The following CEP70 variants were observed in gnomAD, a reference collection of about 807,000 sequenced individuals.
CEP70 encodes the protein centrosomal protein 70, also known as centrosomal protein of 70 kDa.
In CEP70, 70 loss-of-function variants were observed where a neutral mutation model predicts 90.9. The ratio of observed to expected loss-of-function variants is 0.77; its 90% CI spans 0.64 to 0.94. The LOEUF is 0.94. CEP70 is among the 40% of genes least tolerant of loss of function. The pLI is 0.00. For missense variants in CEP70, 648 were observed against 669.0 expected (o/e 0.97, Z 0.35); for synonymous variants, 220 against 228.3 (o/e 0.96, Z 0.33).
At chr3:138,507,564 G>C (rs913764741) in intron 12 of CEP70, among the ~76,000 whole-genome samples, 1 of 152,032 alleles carries the variant, frequency 6.6e-6, no homozygotes, top group African/African-American at 2.4e-5. Flanking sequence ...ACAGACTAGA[G>C]AATCTAAAAA....
chr3:138,594,216 T>G lies in CEP70; in HGVS notation c.-127A>C, dbSNP rs1056866449. On this transcript the variant is annotated 5_prime_UTR_variant, in exon 1 of 18. Transcript: ENST00000264982. The stretch of plus-strand genomic sequence containing the variant: ...CACTCACCTTACTCAGTCGCCGGCC[T>G]CCCACCAGCAGCCAGCCGGGCCAGG... 1 of 152,258 alleles carries G rather than the reference T, an allele frequency of 6.6e-6. No homozygotes were observed. Among genetic ancestry groups the G allele is most frequent in the African/African-American group, 2.4e-5 (1 of 41,412 alleles). 9.4% of individuals were successfully genotyped at this position (152,258 alleles called of 1,614,324 possible).
chr3:138,587,063 T>C (rs767648101), intron 2 of CEP70, among the ~76,000 whole-genome samples: 20 of 151,836 alleles, frequency 1.3e-4, no homozygotes, highest in Non-Finnish European at 2.9e-4. Context: ...ACAAAACAGA[T>C]AGGAACTATA....
intron 16 of CEP70, among the ~76,000 whole-genome samples, chr3:138,499,194 CAT>C (rs1376548003): frequency 6.6e-6 from 1 of 152,058 alleles, no homozygotes; most frequent in Non-Finnish European, 1.5e-5. Flanking sequence ...ACTTGCAAAA[CAT>C]ATGGTTTATG....
intron 1 of CEP70, chr3:138,593,755 C>T (rs1489336409): frequency 6.6e-6 from 1 of 152,154 alleles, no homozygotes; most frequent in Non-Finnish European, 1.5e-5. Context: ...GTCCTCACTC[C>T]CCAAACAACC....
chr3:138,497,175 A>C, intron 17 of CEP70: 1 of 1,184,272 alleles, frequency 8.4e-7, no homozygotes, highest in African/African-American at 1.6e-5. Flanking sequence ...CCCACTGCAC[A>C]TAAGACTGGT....
At chr3:138,535,084 T>G (rs182956212) in intron 7 of CEP70, among the ~76,000 whole-genome samples, 1 of 152,344 alleles carries the variant, frequency 6.6e-6, no homozygotes, top group African/African-American at 2.4e-5. Flanking sequence ...TCGGCCAATT[T>G]AAGTCTCTCA....
intron 6 of CEP70, among the ~76,000 whole-genome samples, chr3:138,560,519 C>T (rs2040330794): frequency 6.6e-6 from 1 of 151,378 alleles, no homozygotes. Flanking sequence ...GCCAGTGAGA[C>T]AGAACCGTTT....
rs183162018 is a variant in CEP70, at chr3:138,565,555, C to T, written c.465+4763G>A. ...CACCACACATCTACAACCATCTGAT[C>T]TTTGACAAACCTGACAAAAACAAGA... is the stretch of plus-strand genomic sequence containing the variant. On this transcript the variant is annotated intron_variant, in intron 6 of 17. Coordinates refer to ENST00000264982, the MANE Select transcript of CEP70 (RefSeq NM_024491.4). Among the ~76,000 whole-genome samples, 599 of 152,282 alleles carry T rather than the reference C, an allele frequency of 3.9e-3. 5 individuals carry two copies. Among genetic ancestry groups the T allele is most frequent in the African/African-American group, 0.014 (576 of 41,556 alleles).
chr3:138,570,602 T>C, intron 5 of CEP70, 104 bp from the exon 6 acceptor site: 1 of 881,574 alleles, frequency 1.1e-6, no homozygotes, highest in East Asian at 2.8e-5. Flanking sequence ...TTTCTTTGCA[T>C]TCTCTTTATC....
intron 17 of CEP70, chr3:138,496,259 T>C: frequency 1.0e-6 from 1 of 985,430 alleles, no homozygotes; most frequent in Non-Finnish European, 1.2e-6. Flanking sequence ...AGCTGGATCT[T>C]GGTTGCTCTT....
chr3:138,552,562 G>A (rs935002125), intron 6 of CEP70, among the ~76,000 whole-genome samples: 15 of 152,098 alleles, frequency 9.9e-5, no homozygotes, highest in Non-Finnish European at 2.1e-4. Flanking sequence ...TAAATAACCT[G>A]CTCCTGAATG....
chr3:138,577,802 G>A (rs1454781582), intron 2 of CEP70, among the ~76,000 whole-genome samples: 2 of 152,098 alleles, frequency 1.3e-5, no homozygotes, highest in Non-Finnish European at 2.9e-5. Flanking sequence ...AGTTAAAAGA[G>A]ACTGTCAAAC....
At chr3:138,571,418 T>C (rs2041168679) in intron 3 of CEP70, 62 bp from the exon 4 acceptor site, 11 of 1,133,194 alleles carry the variant, frequency 9.7e-6, no homozygotes, top group Non-Finnish European at 7.8e-6. Context: ...AATTCTCTCA[T>C]ATATAATTTC....
intron 8 of CEP70, among the ~76,000 whole-genome samples, chr3:138,532,141 T>C (rs1198156694): frequency 6.6e-6 from 1 of 152,216 alleles, no homozygotes; most frequent in Admixed American, 6.5e-5. Context: ...TAAATCTGCA[T>C]ACTAATTAGG....
At chr3:138,555,053 A>G (rs1355827461) in intron 6 of CEP70, among the ~76,000 whole-genome samples, 1 of 152,156 alleles carries the variant, frequency 6.6e-6, no homozygotes, top group Non-Finnish European at 1.5e-5. Flanking sequence ...GTTCAAGACC[A>G]GCCTGGCGAA....
intron 11 of CEP70, among the ~76,000 whole-genome samples, chr3:138,515,853 C>T (rs556571691): frequency 5.9e-5 from 9 of 152,292 alleles, no homozygotes; most frequent in African/African-American, 2.2e-4. Context: ...TCCTCCTTCT[C>T]CTAGTTGCTT....
At position 138,520,371 on chromosome 3, in the gene CEP70, A is replaced by G. The variant is rs566947781; in HGVS notation, c.944+5119T>C. ...ACAGAACTCTCCACCCCAAAGCAAT[A>G]GAATGTACTTTCTTCTCAGCACCAC... On this transcript the variant is annotated intron_variant, in intron 11 of 17. Coordinates refer to ENST00000264982, the MANE Select transcript of CEP70 (RefSeq NM_024491.4). Among the ~76,000 whole-genome samples the G allele has an allele frequency of 3.3e-5, 5 of 152,340 alleles. No individual in the cohort carries two copies. The East Asian group carries it at 7.7e-4, about 24-fold the overall frequency.
rs564478055 is a variant in CEP70 at position 138,590,370 on chromosome 3, T to C, written c.-6+1484A>G. 6.6e-5 allele frequency among the ~76,000 whole-genome samples: 10 copies of C among 152,276 alleles called. No individual in the cohort carries two copies. The South Asian group carries it at 2.1e-3, about 32-fold the overall frequency. ...GAAGTAGAATACATTAGGTATCTTT[T>C]AACATGTGTGTCTATAGACAGATAC... On this transcript the variant is annotated intron_variant, in intron 2 of 17. Coordinates refer to ENST00000264982, the MANE Select transcript of CEP70 (RefSeq NM_024491.4).
intron 7 of CEP70, among the ~76,000 whole-genome samples, chr3:138,535,604 C>T (rs972772073): frequency 1.1e-4 from 17 of 152,112 alleles, no homozygotes; most frequent in Non-Finnish European, 2.5e-4. Flanking sequence ...TTTTTCATTT[C>T]AGTGTCTCAA....
Sources: allele counts gnomAD v4.1 joint callset (sites outside exome capture counted in the v4.1 genomes callset), GRCh38; gene constraint gnomAD v4.1.1; transcripts MANE v1.5; gene names NCBI Gene and HGNC (gene_info 2026-07-23, HGNC 2026-07-21).